The following KDM1A variants were observed in gnomAD, a reference collection of about 807,000 sequenced individuals.
KDM1A encodes lysine demethylase 1A.
KDM1A carries 49 observed loss-of-function variants against 109.4 expected under a neutral mutation model. That is an observed-to-expected ratio of 0.45 (90% CI 0.36 to 0.57). The LOEUF is 0.57. Ranked by LOEUF, KDM1A falls within the 20% of genes least tolerant of loss-of-function variation. The pLI, the probability that KDM1A is intolerant of heterozygous loss-of-function variation, is 0.00. For synonymous variants in KDM1A, 380 were observed against 415.4 expected (o/e 0.91, Z 1.04); for missense variants, 668 against 1,116.6 (o/e 0.60, Z 5.73).
chr1:23,030,783 G>A, intron 2 of KDM1A, 149 bp downstream of exon 2: 2 of 757,008 alleles, frequency 2.6e-6, no homozygotes, highest in Non-Finnish European at 4.2e-6. Context: ...GTCTTTGTGT[G>A]TGTGTATACA....
chr1:23,076,608 C>CG (rs1643471650), intron 15 of KDM1A, among the ~76,000 whole-genome samples: 1 of 151,894 alleles, frequency 6.6e-6, no homozygotes, highest in African/African-American at 2.4e-5. Context: ...CATCATTCCC[C>CG]CTACCACCTC....
intron 2 of KDM1A, among the ~76,000 whole-genome samples, chr1:23,033,409 C>T (rs549787322): frequency 1.3e-5 from 2 of 152,014 alleles, no homozygotes; most frequent in South Asian, 4.2e-4. Context: ...GTAATCCCAG[C>T]TACTTGGGAG....
chr1:23,063,926 T>G (rs1643090846), intron 9 of KDM1A, among the ~76,000 whole-genome samples: 1 of 152,232 alleles, frequency 6.6e-6, no homozygotes, highest in Non-Finnish European at 1.5e-5. Flanking sequence ...CTTGCAGTGT[T>G]GCCCAGGCTG....
chr1:23,053,723 T>G, intron 4 of KDM1A, 38 bp from the exon 5 acceptor site: 1 of 1,319,298 alleles, frequency 7.6e-7, no homozygotes, highest in Non-Finnish European at 1.1e-6. Flanking sequence ...AACATATGTC[T>G]ATTTGTATGT....
At chr1:23,041,435 C>CTTTTTTTTTTTTTTTTTTTTTTT (rs66720696) in intron 2 of KDM1A, among the ~76,000 whole-genome samples, 1 of 53,006 alleles carries the variant, frequency 1.9e-5, no homozygotes, top group Non-Finnish European at 3.2e-5. Context: ...TCTTTTCTTG[C>CTTTTTTTTTTTTTTTTTTTTTTT]TTTTTTTTTT....
intron 3 of KDM1A, among the ~76,000 whole-genome samples, chr1:23,044,865 AAAAC>A (rs1642456651): frequency 6.6e-6 from 1 of 152,208 alleles, no homozygotes; most frequent in Non-Finnish European, 1.5e-5. Context: ...TCTAAAAGCA[AAAAC>A]AAACGGGACT....
intron 1 of KDM1A, 23 bp from the exon 2 acceptor site, chr1:23,030,446 T>C: frequency 3.4e-6 from 5 of 1,478,116 alleles, no homozygotes; most frequent in Non-Finnish European, 4.5e-6. Context: ...CATTTAGCTT[T>C]CCCTGGTATG....
At chr1:23,072,709 G>T (rs1185673072) in intron 14 of KDM1A, among the ~76,000 whole-genome samples, 2 of 152,160 alleles carry the variant, frequency 1.3e-5, no homozygotes, top group Admixed American at 6.6e-5. Flanking sequence ...GCAATGATGT[G>T]ATCTCAGCTC....
chr1:23,022,752 G>A (rs1250624981), intron 1 of KDM1A, among the ~76,000 whole-genome samples: 1 of 147,576 alleles, frequency 6.8e-6, no homozygotes, highest in Non-Finnish European at 1.5e-5. Context: ...TCCTCCTCCT[G>A]GGTTCAAGCG....
intron 3 of KDM1A, among the ~76,000 whole-genome samples, 170 bp downstream of exon 3, chr1:23,044,656 C>T (rs1642450529): frequency 6.6e-6 from 1 of 152,158 alleles, no homozygotes; most frequent in Admixed American, 6.5e-5. Context: ...AGAACAAAGG[C>T]AAGCAAAACC....
chr1:23,052,324 G>A lies in KDM1A; in HGVS notation c.712-1437G>A, dbSNP rs557228624. On this transcript the variant is annotated intron_variant, in intron 4 of 20. Transcript: ENST00000400181. ...TAGACTGTGACCTAAGTGTTATTTTGTAGGAGGAGGAGGAGGAAGACTTGT... is the reference window on the plus strand; with the variant it reads ...TAGACTGTGACCTAAGTGTTATTTTATAGGAGGAGGAGGAGGAAGACTTGT... Among the ~76,000 whole-genome samples, 13 of 152,280 alleles carry A rather than the reference G, an allele frequency of 8.5e-5. No individual in the cohort carries two copies. The East Asian group carries it at 2.5e-3, about 29-fold the overall frequency.
intron 20 of KDM1A, 135 bp from the exon 21 acceptor site, chr1:23,083,044 C>T (rs1028390279): frequency 1.1e-5 from 8 of 750,128 alleles, no homozygotes; most frequent in African/African-American, 1.1e-4. Context: ...GGAGACTCTT[C>T]GATAGAATGA....
chr1:23,069,165 T>C lies in KDM1A; in HGVS notation c.1413+14T>C. On this transcript the variant is annotated intron_variant, in intron 12 of 20. Coordinates refer to ENST00000400181, the MANE Select transcript of KDM1A (RefSeq NM_001009999.3). ...CTTCTTAATAAGGTGAAATTCTGTA[T>C]TTTCTTCATAGCTGAAGAAGCTTTA... The C allele has an allele frequency of 2.0e-6, 3 of 1,496,610 alleles. No individual in the cohort carries two copies. The highest frequency in any genetic ancestry group is 1.8e-6 in the Non-Finnish European group (2 of 1,082,432). 92.7% of individuals were successfully genotyped at this position (1,496,610 alleles called of 1,614,324 possible). A position where few individuals can be genotyped will look rare whatever the true frequency, so the allele number is the denominator to read the frequency against.
At chr1:23,025,968 G>C (rs1056281004) in intron 1 of KDM1A, among the ~76,000 whole-genome samples, 3 of 152,114 alleles carry the variant, frequency 2.0e-5, no homozygotes, top group Non-Finnish European at 4.4e-5. Flanking sequence ...GCATGCGCCT[G>C]TAGTCCTAGC....
chr1:23,082,674 A>G (rs896354148), intron 20 of KDM1A: 2 of 264,902 alleles, frequency 7.5e-6, no homozygotes, highest in Non-Finnish European at 1.4e-5. Context: ...AATGGCTCAT[A>G]GGATTGCTGT....
intron 2 of KDM1A, among the ~76,000 whole-genome samples, chr1:23,039,227 A>G (rs1642237550): frequency 6.6e-6 from 1 of 152,206 alleles, no homozygotes; most frequent in Non-Finnish European, 1.5e-5. Flanking sequence ...TTGTAGCATT[A>G]CTAGTCTTCT....
chr1:23,037,518 CATGCATTACCTCACATGGTT>C, intron 2 of KDM1A, among the ~76,000 whole-genome samples: 1 of 152,258 alleles, frequency 6.6e-6, no homozygotes, highest in Admixed American at 6.5e-5. Context: ...AGCTGATAAA[CATGCATTACCTCACATGGTT>C]ATCATTTTTG....
Position 23,044,463 on chromosome 1 carries a change from G to T in KDM1A, c.554G>T (p.Gly185Val). ...GGACTTCAAGACGACAGTTCTGGAG[G>T]GTATGGAGACGGCCAAGCATCAGGT... ...AGGLQDDSSG[G>V]YGDGQASGVE... The change falls in exon 3 of 21, where the codon GGG becomes GTG. Residue 185 changes from glycine (G) to valine (V), a missense_variant. Physicochemically the swap from Gly to Val is moderately radical, Grantham distance 109. Around this residue, in one of 8 missense-constraint regions of KDM1A, gnomAD observed 149 missense variants for 189.7 expected, o/e 0.79. Coordinates refer to ENST00000400181, the MANE Select transcript of KDM1A (RefSeq NM_001009999.3). 1 of 1,611,778 alleles carries T rather than the reference G, an allele frequency of 6.2e-7. No individual in the cohort carries two copies. The highest frequency in any genetic ancestry group is 8.5e-7 in the Non-Finnish European group (1 of 1,179,390).
chr1:23,057,477 GA>G lies in KDM1A; in HGVS notation c.991-4del, dbSNP rs1403494027. The G allele has an allele frequency of 6.2e-7, 1 of 1,613,010 alleles. No individual in the cohort carries two copies. The highest frequency in any genetic ancestry group is 1.3e-5 in the African/African-American group (1 of 74,886). Reference sequence around the variant, plus strand: ...TGATGATTTTGGCTACTTAATTTCTGAAACAGGATCGTGTGGGTGGACGAGT... The same window carrying G: ...TGATGATTTTGGCTACTTAATTTCTGAACAGGATCGTGTGGGTGGACGAGT... On this transcript the variant is annotated splice_polypyrimidine_tract_variant and splice_region_variant and intron_variant, in intron 7 of 20. Coordinates refer to ENST00000400181, the MANE Select transcript of KDM1A (RefSeq NM_001009999.3).
Sources: allele counts gnomAD v4.1 joint callset (sites outside exome capture counted in the v4.1 genomes callset), GRCh38; gene constraint gnomAD v4.1.1; regional missense constraint gnomAD v4.1.1; transcripts MANE v1.5; gene names NCBI Gene and HGNC (gene_info 2026-07-23, HGNC 2026-07-21).